The following DVL2 variants were observed in gnomAD, a reference collection of about 807,000 sequenced individuals.
DVL2 encodes dishevelled segment polarity protein 2, also known as segment polarity protein dishevelled homolog DVL-2.
DVL2 carries 38 observed loss-of-function variants against 69.8 expected under a neutral mutation model. The observed-to-expected ratio is 0.54, with a 90% CI of 0.42 to 0.71. DVL2 has a LOEUF of 0.71. DVL2 is among the 30% of genes least tolerant of loss of function. The pLI, the probability that DVL2 is intolerant of heterozygous loss-of-function variation, is 0.00. For missense variants in DVL2, 931 were observed against 1,008.1 expected, an observed-to-expected ratio of 0.92 and a Z score of 1.04; for synonymous variants, 428 against 392.4, an observed-to-expected ratio of 1.09 and a Z score of -1.07.
In DVL2 at chr17:7,226,644, A is replaced by G; in HGVS notation, c.1544-5T>C. Reference sequence around the variant, plus strand: ...TGAGAGACAGGTTGACTAGGTCTGGAAAGCAAGGGAAGAGAGGAAGAAATC... The same window carrying G: ...TGAGAGACAGGTTGACTAGGTCTGGGAAGCAAGGGAAGAGAGGAAGAAATC... On this transcript the variant is annotated splice_region_variant and splice_polypyrimidine_tract_variant and intron_variant, in intron 13 of 14. Transcript: ENST00000005340. The G allele has an allele frequency of 6.5e-7, 1 of 1,540,732 alleles. No homozygotes were observed. The highest frequency in any genetic ancestry group is 8.7e-7 in the Non-Finnish European group (1 of 1,147,044).
At position 7,229,194 on chromosome 17, in the gene DVL2, T is replaced by C. The variant is rs368088453; in HGVS notation, c.898A>G (p.Met300Val). 5.6e-6 allele frequency: 9 copies of C among 1,614,172 alleles called. No individual in the cohort carries two copies. Among genetic ancestry groups the C allele is most frequent in the Non-Finnish European group, 7.6e-6 (9 of 1,180,038 alleles). ...GDGGIYIGSI[M>V]KGGAVAADGR... ...TCGGCCGCCACAGCCCCACCCTTCATGATGGAGCCAATGTAGATGCCTCCG... is the reference window on the plus strand; with the variant it reads ...TCGGCCGCCACAGCCCCACCCTTCACGATGGAGCCAATGTAGATGCCTCCG... Residue 300 changes from methionine (M) to valine (V), a missense_variant, in exon 8 of 15, where the codon ATG becomes GTG. Transcript: ENST00000005340. This position sits in a 1 kb window ranked among gnomAD's most constrained non-coding sequence, Gnocchi z 4.4.
In DVL2 at chr17:7,229,143, G is replaced by C. The variant is rs373923131; in HGVS notation, c.949C>G (p.Leu317Val). The C allele has an allele frequency of 1.2e-6, 2 of 1,614,066 alleles. No individual in the cohort carries two copies. The highest frequency in any genetic ancestry group is 1.7e-6 in the Non-Finnish European group (2 of 1,179,944). ...ADGRIEPGDM[L>V]LQVNDMNFEN... ...GCCCTACCCCAGCACACCTGCAAAA[G>C]CATGTCCCCTGGCTCAATGCGCCCG... The change falls in exon 8 of 15, where the codon CTT becomes GTT. Residue 317 changes from leucine (L) to valine (V), a missense_variant. Around this residue, in one of 3 missense-constraint regions of DVL2, gnomAD observed 555 missense variants for 588.8 expected, o/e 0.94. Coordinates refer to ENST00000005340, the MANE Select transcript of DVL2 (RefSeq NM_004422.3). This position sits in a 1 kb window ranked among gnomAD's most constrained non-coding sequence, Gnocchi z 4.4.
At position 7,227,999 on chromosome 17, in the gene DVL2, C is replaced by T; in HGVS notation, c.1080G>A (p.Gln360=). 2 of 1,563,826 alleles carry T rather than the reference C, an allele frequency of 1.3e-6. No individual in the cohort carries two copies. Among genetic ancestry groups the T allele is most frequent in the Non-Finnish European group, 1.7e-6 (2 of 1,155,828 alleles). The change falls in exon 10 of 15, where the codon CAG becomes CAA. Residue 360 remains glutamine (Q), a synonymous_variant. Coordinates refer to ENST00000005340, the MANE Select transcript of DVL2 (RefSeq NM_004422.3). The part of the protein sequence containing the change: ...TVAKCWDPSP[Q]AYFTLPRNEP... Reference sequence around the variant, plus strand: ...CACTTCGGGGGAGAGTGAAATAGGCCTGAGGAGAGGGATCCCAGCACTTGG... The same window carrying T: ...CACTTCGGGGGAGAGTGAAATAGGCTTGAGGAGAGGGATCCCAGCACTTGG...
rs2071429713 is a variant in DVL2 at position 7,225,556 on chromosome 17, A to G, written c.*309T>C. ...CACATTCTGGGGTTAGAAGGGGCCC[A>G]ATGGATGGGAATTCTTCATATAAAA... is the stretch of plus-strand genomic sequence containing the variant. On this transcript the variant is annotated 3_prime_UTR_variant, in exon 15 of 15. Coordinates refer to ENST00000005340, the MANE Select transcript of DVL2 (RefSeq NM_004422.3). 1 of 436,092 alleles carries G rather than the reference A, an allele frequency of 2.3e-6. No homozygotes were observed. The highest frequency in any genetic ancestry group is 2.4e-5 in the South Asian group (1 of 41,804). 27.0% of individuals were successfully genotyped at this position (436,092 alleles called of 1,614,324 possible). A position where few individuals can be genotyped will look rare whatever the true frequency, so the allele number is the denominator to read the frequency against.
chr17:7,227,752 G>A lies in DVL2; in HGVS notation c.1134C>T (p.Ala378=). The change falls in exon 11 of 15, where the codon GCC becomes GCT. Residue 378 remains alanine, a synonymous_variant. Coordinates refer to ENST00000005340, the MANE Select transcript of DVL2 (RefSeq NM_004422.3). ...TCAGAGCCGCGGAATGGGACACCCAGGCAGCAGGGTCAATTGGCTGGATGG... is the reference window on the plus strand; with the variant it reads ...TCAGAGCCGCGGAATGGGACACCCAAGCAGCAGGGTCAATTGGCTGGATGG... ...NEPIQPIDPA[A]WVSHSAALTG... is the part of the protein sequence containing the mutation. 1 of 1,591,740 alleles carries A rather than the reference G, an allele frequency of 6.3e-7. No homozygotes were observed. The highest frequency in any genetic ancestry group is 8.6e-7 in the Non-Finnish European group (1 of 1,168,932).
chr17:7,229,975 C>T lies in DVL2; in HGVS notation c.521-32G>A. 2 of 1,608,956 alleles carry T rather than the reference C, an allele frequency of 1.2e-6. No individual in the cohort carries two copies. Among genetic ancestry groups the T allele is most frequent in the Non-Finnish European group, 1.7e-6 (2 of 1,179,626 alleles). ...ATGGACAGGAAGCTCAAGAACCAAG[C>T]TTCCCCCTGCTCACCCCACCAAGGC... On this transcript the variant is annotated intron_variant, in intron 4 of 14. Coordinates refer to ENST00000005340, the MANE Select transcript of DVL2 (RefSeq NM_004422.3). This position sits in a 1 kb window ranked among gnomAD's most constrained non-coding sequence, Gnocchi z 4.4.
chr17:7,230,948 C>T (rs1338676566), intron 1 of DVL2, 151 bp from the exon 2 acceptor site: 12 of 561,280 alleles, frequency 2.1e-5, no homozygotes, highest in African/African-American at 1.4e-4. Flanking sequence ...GAACTCACTC[C>T]GACACCTAAG....
rs1209477688 is a variant in DVL2, at chr17:7,225,343, A to G, written c.*522T>C. The G allele has an allele frequency of 1.7e-6, 1 of 595,556 alleles. No individual in the cohort carries two copies. The highest frequency in any genetic ancestry group is 3.0e-6 in the Non-Finnish European group (1 of 337,684). 36.9% of individuals were successfully genotyped at this position (595,556 alleles called of 1,614,324 possible). A position where few individuals can be genotyped will look rare whatever the true frequency, so the allele number is the denominator to read the frequency against. On this transcript the variant is annotated 3_prime_UTR_variant, in exon 15 of 15. Coordinates refer to ENST00000005340, the MANE Select transcript of DVL2 (RefSeq NM_004422.3). ...AAAGAAAGGAGCCAGAGGCGTGGGG[A>G]GTTTGCCTCTATTGCTTTATTTGGT...
At chr17:7,227,000 T>C (rs1045147295) in intron 13 of DVL2, 90 bp downstream of exon 13, 1 of 1,341,042 alleles carries the variant, frequency 7.5e-7, no homozygotes, top group African/African-American at 1.5e-5. Flanking sequence ...ATGGTGGCCC[T>C]GGCTGCGGTT....
intron 10 of DVL2, 71 bp from the exon 11 acceptor site, chr17:7,227,854 A>G: frequency 1.9e-6 from 3 of 1,557,708 alleles, no homozygotes; most frequent in Non-Finnish European, 2.6e-6. Flanking sequence ...TCCCTGACTC[A>G]GCCTCCTGTT....
intron 1 of DVL2, among the ~76,000 whole-genome samples, chr17:7,233,086 T>TTAAAAAAAAAAAAAAAAA (rs2071568180): frequency 3.7e-5 from 1 of 27,364 alleles, no homozygotes; most frequent in East Asian, 1.1e-3. Context: ...CGAGACTGTC[T>TTAAAAAAAAAAAAAAAAA]CAAAAAAAAA....
In DVL2 at chr17:7,234,257, C is replaced by A; in HGVS notation, c.6G>T (p.Ala2=). Residue 2 remains alanine, a synonymous_variant, in exon 1 of 15, where the codon GCG becomes GCT. Transcript: ENST00000005340. M[A]GSSTGGGGVG... The stretch of plus-strand genomic sequence containing the variant: ...CCCCACCGCCCCCAGTGCTGCTACC[C>A]GCCATGGTCTCGCCCGCGCGCTCCC... The A allele has an allele frequency of 6.2e-7, 1 of 1,611,764 alleles. No individual in the cohort carries two copies. Among genetic ancestry groups the A allele is most frequent in the Non-Finnish European group, 8.5e-7 (1 of 1,178,950 alleles).
Position 7,234,134 on chromosome 17 carries a change from G to C in DVL2, c.129C>G (p.Phe43Leu), listed in dbSNP as rs911793509. ...CCGCGGGCCGCTGCAGGACGCTCTTGAAATCGCCGAGGGTGATGCGCTCGG... is the reference window on the plus strand; with the variant it reads ...CCGCGGGCCGCTGCAGGACGCTCTTCAAATCGCCGAGGGTGATGCGCTCGG... ...VPAERITLGD[F>L]KSVLQRPAGA... Residue 43 changes from phenylalanine to leucine, a missense_variant, in exon 1 of 15, where the codon TTC becomes TTG. Transcript: ENST00000005340. 41 of 1,614,038 alleles carry C rather than the reference G, an allele frequency of 2.5e-5. No individual in the cohort carries two copies. The highest frequency in any genetic ancestry group is 3.4e-5 in the Non-Finnish European group (40 of 1,180,034).
chr17:7,225,771 G>A lies in DVL2; in HGVS notation c.*94C>T. On this transcript the variant is annotated 3_prime_UTR_variant, in exon 15 of 15. Coordinates refer to ENST00000005340, the MANE Select transcript of DVL2 (RefSeq NM_004422.3). ...ATCTCCTGTATGGCAGCAGCTGGTA[G>A]GCTGAGCCCAGGCACTGTAAGAGCA... 2.7e-6 allele frequency: 3 copies of A among 1,115,622 alleles called. No individual in the cohort carries two copies. Among genetic ancestry groups the A allele is most frequent in the Non-Finnish European group, 4.0e-6 (3 of 744,640 alleles). 69.1% of individuals were successfully genotyped at this position (1,115,622 alleles called of 1,614,324 possible).
rs775702882 is a variant in DVL2 at position 7,227,677 on chromosome 17, T to C, written c.1209A>G (p.Thr403=). 6.2e-7 allele frequency: 1 copy of C among 1,613,940 alleles called. No individual in the cohort carries two copies. Among genetic ancestry groups the C allele is most frequent in the Non-Finnish European group, 8.5e-7 (1 of 1,179,996 alleles). Residue 403 remains threonine (T), a synonymous_variant, in exon 11 of 15, where the codon ACA becomes ACG. Coordinates refer to ENST00000005340, the MANE Select transcript of DVL2 (RefSeq NM_004422.3). ...CACCATCAGGCAAAGACGATCCAGATGTAATGGTGCTCATGGAGGAGGAAC... is the reference window on the plus strand; with the variant it reads ...CACCATCAGGCAAAGACGATCCAGACGTAATGGTGCTCATGGAGGAGGAAC... ...YPGSSSMSTI[T]SGSSLPDGCE...
chr17:7,228,609 C>T, intron 9 of DVL2: 1 of 218,368 alleles, frequency 4.6e-6, no homozygotes, highest in Non-Finnish European at 9.1e-6. Flanking sequence ...GAGACGGAGT[C>T]TTGCTCTGTC....
In DVL2 at chr17:7,229,880, G is replaced by T; in HGVS notation, c.584C>A (p.Ser195Tyr). Residue 195 changes from serine to tyrosine, a missense_variant, in exon 5 of 15, where the codon TCC becomes TAC. Transcript: ENST00000005340. This position sits in a 1 kb window ranked among gnomAD's most constrained non-coding sequence, Gnocchi z 4.4. ...LERHLAGYES[S>Y]STLMTSELES... ...CAGCTCGCTGGTCATGAGGGTAGAG[G>T]AGCTCTCGTATCCGGCCAGGTGGCG... 6.2e-7 allele frequency: 1 copy of T among 1,611,246 alleles called. No homozygotes were observed.
Position 7,229,697 on chromosome 17 carries a change from G to T in DVL2, c.657-19C>A. The T allele has an allele frequency of 6.4e-7, 1 of 1,557,386 alleles. No homozygotes were observed. The highest frequency in any genetic ancestry group is 8.7e-7 in the Non-Finnish European group (1 of 1,148,938). On this transcript the variant is annotated intron_variant, in intron 5 of 14. Transcript: ENST00000005340. This position sits in a 1 kb window ranked among gnomAD's most constrained non-coding sequence, Gnocchi z 4.4. ...GCTGAACCTACCAGGAGGTTGGGAA[G>T]GAGAGCAAACGTAGGCCAAAGTGGT...
Position 7,229,469 on chromosome 17 carries a change from G to C in DVL2, c.748-22C>G. 5.0e-6 allele frequency: 8 copies of C among 1,614,032 alleles called. No individual in the cohort carries two copies. Among genetic ancestry groups the C allele is most frequent in the Non-Finnish European group, 5.9e-6 (7 of 1,179,934 alleles). Reference sequence around the variant, plus strand: ...ACGTCTGTGGTGGGAAAAGGAGCCAGAGTGCCCTTCAATAACCCAGGGTCA... The same window carrying C: ...ACGTCTGTGGTGGGAAAAGGAGCCACAGTGCCCTTCAATAACCCAGGGTCA... On this transcript the variant is annotated intron_variant, in intron 6 of 14. Transcript: ENST00000005340. The surrounding 1 kb of genome is among the most constrained non-coding windows in gnomAD (Gnocchi z 4.4).
Sources: gnomAD v4.1 joint callset for allele counts (sites outside exome capture counted in the v4.1 genomes callset) on GRCh38, gnomAD v4.1.1 for gene constraint, gnomAD v4.1.1 regional missense constraint, Gnocchi (gnomAD v3.1) non-coding constraint, MANE v1.5 for transcripts, NCBI Gene and HGNC (gene_info 2026-07-23, HGNC 2026-07-21) for gene names.